Variants in PCSK5 observed in about 807,000 individuals in gnomAD.
PCSK5 encodes proprotein convertase subtilisin/kexin type 5, also known as prohormone convertase 5.
Under a neutral mutation model 233.2 loss-of-function variants are expected in PCSK5, and 129 were observed. The observed-to-expected ratio is 0.55, with a 90% CI of 0.48 to 0.64. PCSK5 has a LOEUF of 0.64. Among genes scored for constraint, PCSK5 ranks in the 30% least tolerant of loss-of-function variants. The pLI, the probability that PCSK5 is intolerant of heterozygous loss-of-function variation, is 0.00. For missense variants in PCSK5, 2,076 were observed against 2,430.1 expected (o/e 0.85, Z 3.06); for synonymous variants, 825 against 879.2 (o/e 0.94, Z 1.09).
rs1469945647 is a variant in PCSK5 at position 76,155,376 on chromosome 9, G to A, written c.1313-1669G>A. ...GCAGTAATTTTTTCAACCTAGCACA[G>A]TGTTCGTTTTTATATACTATAGTTT... On this transcript the variant is annotated intron_variant, in intron 10 of 37. Transcript: ENST00000674117. Among the ~76,000 whole-genome samples, 3 of 152,196 alleles carry A rather than the reference G, an allele frequency of 2.0e-5. No individual in the cohort carries two copies. In the South Asian group the frequency reaches 6.2e-4, roughly 31 times the overall value.
intron 20 of PCSK5, among the ~76,000 whole-genome samples, chr9:76,197,241 TAGA>T (rs1164238636): frequency 3.3e-5 from 5 of 152,204 alleles, no homozygotes; most frequent in Admixed American, 6.5e-5. Flanking sequence ...GTACACCTTG[TAGA>T]AGAAGGATAG....
chr9:76,100,257 A>G (rs1447669238), intron 8 of PCSK5, among the ~76,000 whole-genome samples: 1 of 152,262 alleles, frequency 6.6e-6, no homozygotes, highest in African/African-American at 2.4e-5. Context: ...ATCATTTAAA[A>G]TTACTAGTTA....
intron 19 of PCSK5, 69 bp downstream of exon 19, chr9:76,189,292 AAAT>A (rs1824253943): frequency 7.3e-7 from 1 of 1,371,238 alleles, no homozygotes; most frequent in Non-Finnish European, 1.0e-6. Flanking sequence ...CTTCATAAGA[AAAT>A]AAGAAAACTT....
chr9:75,947,060 T>C (rs1225261631), intron 2 of PCSK5, among the ~76,000 whole-genome samples: 1 of 152,238 alleles, frequency 6.6e-6, no homozygotes, highest in Non-Finnish European at 1.5e-5. Flanking sequence ...GTAACGTTGC[T>C]TCTTTGTTCC....
intron 2 of PCSK5, among the ~76,000 whole-genome samples, chr9:75,979,054 A>C (rs961002796): frequency 6.6e-6 from 1 of 151,960 alleles, no homozygotes; most frequent in African/African-American, 2.4e-5. Flanking sequence ...GGGTTTCTCC[A>C]TGTTGGTCAG....
At chr9:76,027,760 C>T (rs72735306) in intron 5 of PCSK5, among the ~76,000 whole-genome samples, 20,583 of 152,134 alleles carry the variant, frequency 0.14, 1,478 homozygotes, top group South Asian at 0.25. Context: ...TATTAGTAGA[C>T]ATTTCTAATC....
intron 2 of PCSK5, among the ~76,000 whole-genome samples, chr9:75,938,235 T>C (rs1824146943): frequency 6.6e-6 from 1 of 152,092 alleles, no homozygotes; most frequent in African/African-American, 2.4e-5. Context: ...TAGAGGCCAT[T>C]GTAGGGTTAT....
At chr9:76,218,705 G>C (rs775262921) in intron 20 of PCSK5, among the ~76,000 whole-genome samples, 2 of 152,130 alleles carry the variant, frequency 1.3e-5, no homozygotes, top group Non-Finnish European at 2.9e-5. Context: ...GAAGAGGAAT[G>C]TCCGGGAAAT....
intron 9 of PCSK5, among the ~76,000 whole-genome samples, chr9:76,116,056 T>C (rs1181581517): frequency 6.6e-6 from 1 of 152,084 alleles, no homozygotes; most frequent in African/African-American, 2.4e-5. Flanking sequence ...TTTTCCTCTG[T>C]TTAAAAATTT....
At chr9:76,199,423 ATTAATG>A (rs1365752773) in intron 20 of PCSK5, among the ~76,000 whole-genome samples, 4 of 152,212 alleles carry the variant, frequency 2.6e-5, no homozygotes, top group African/African-American at 7.2e-5. Context: ...CATGACTATA[ATTAATG>A]TTAATGTAGA....
intron 10 of PCSK5, among the ~76,000 whole-genome samples, chr9:76,139,779 C>CA (rs1054103466): frequency 1.3e-4 from 19 of 151,488 alleles, no homozygotes; most frequent in Admixed American, 2.6e-4. Context: ...TTTACAAAAA[C>CA]AAAAAAACAA....
intron 24 of PCSK5, among the ~76,000 whole-genome samples, chr9:76,284,932 T>C (rs1001064705): frequency 2.0e-5 from 3 of 152,150 alleles, no homozygotes; most frequent in Non-Finnish European, 2.9e-5. Flanking sequence ...TAAATAATAA[T>C]GAATAATAAT....
chr9:76,276,132 TTTC>T (rs1203123396), intron 24 of PCSK5, among the ~76,000 whole-genome samples: 7 of 152,186 alleles, frequency 4.6e-5, no homozygotes, highest in African/African-American at 1.7e-4. Flanking sequence ...ATTTCTTTAC[TTTC>T]TCTCAAATCT....
At position 76,302,116 on chromosome 9, in the gene PCSK5, C is replaced by CT. The variant is rs762402899; in HGVS notation, c.3524-11dup. The CT allele has an allele frequency of 9.2e-3, 8,810 of 959,830 alleles. 2 individuals are homozygous for CT. Among genetic ancestry groups the CT allele is most frequent in the Non-Finnish European group, 0.01 (7,454 of 718,356 alleles). The allele number at this position is 959,830 out of a possible 1,614,324, so 59.5% of individuals were successfully genotyped here. On this transcript the variant is annotated intron_variant, in intron 27 of 37. Coordinates refer to ENST00000674117, the MANE Select transcript of PCSK5 (RefSeq NM_001372043.1). ...TTTTGCATTAAAAAAAAACTAAACACTTTTTTTTTTAATAAAAAAGAAGCT... is the reference window on the plus strand; with the variant it reads ...TTTTGCATTAAAAAAAAACTAAACACTTTTTTTTTTTAATAAAAAAGAAGCT...
At chr9:75,948,180 C>CT (rs1459251695) in intron 2 of PCSK5, among the ~76,000 whole-genome samples, 1 of 151,996 alleles carries the variant, frequency 6.6e-6, no homozygotes, top group Non-Finnish European at 1.5e-5. Context: ...TTTTATTATA[C>CT]TTTAAGTTCT....
intron 1 of PCSK5, among the ~76,000 whole-genome samples, chr9:75,928,592 A>AAT (rs1699410401): frequency 5.3e-5 from 4 of 75,252 alleles, no homozygotes; most frequent in African/African-American, 9.2e-5. Flanking sequence ...TTTACATATA[A>AAT]ATACATATAT....
intron 2 of PCSK5, among the ~76,000 whole-genome samples, chr9:75,960,293 G>A (rs1182253605): frequency 6.6e-6 from 1 of 152,138 alleles, no homozygotes; most frequent in East Asian, 1.9e-4. Flanking sequence ...GAGAACTGAA[G>A]GGGAAATAAA....
At chr9:76,209,016 A>G (rs1825224881) in intron 20 of PCSK5, among the ~76,000 whole-genome samples, 1 of 152,214 alleles carries the variant, frequency 6.6e-6, no homozygotes, top group African/African-American at 2.4e-5. Context: ...GACATTTTGC[A>G]TTAAAAACTG....
intron 9 of PCSK5, among the ~76,000 whole-genome samples, chr9:76,123,843 T>G (rs1179834687): frequency 2.0e-5 from 3 of 152,238 alleles, no homozygotes; most frequent in African/African-American, 7.2e-5. Flanking sequence ...TGTAAAATTC[T>G]CAGGTTTATT....
Sources: gnomAD v4.1 joint callset for allele counts (sites outside exome capture counted in the v4.1 genomes callset) on GRCh38, gnomAD v4.1.1 for gene constraint, MANE v1.5 for transcripts, NCBI Gene and HGNC (gene_info 2026-07-23, HGNC 2026-07-21) for gene names.